Variants in MED13L observed in about 807,000 individuals in gnomAD.
MED13L encodes the protein mediator of RNA polymerase II transcription subunit 13-like.
MED13L carries 7 observed loss-of-function variants against 220.9 expected under a neutral mutation model. That is an observed-to-expected ratio of 0.03 (90% confidence interval 0.02 to 0.06). The LOEUF is 0.06. Among genes scored for constraint, MED13L ranks in the 10% least tolerant of loss-of-function variants. The pLI, the probability that MED13L is intolerant of heterozygous loss-of-function variation, is 1.00. For missense variants in MED13L, 1,965 were observed against 2,760.5 expected (o/e 0.71, Z 6.46); for synonymous variants, 1,011 against 1,015.2 (o/e 1.00, Z 0.08).
chr12:116,150,196 T>C (rs886170345), intron 2 of MED13L, among the ~76,000 whole-genome samples: 1 of 152,212 alleles, frequency 6.6e-6, no homozygotes, highest in Non-Finnish European at 1.5e-5. Context: ...GCCAAATCTC[T>C]TTTCTGGCTG....
At chr12:116,236,871 A>C (rs956226758) in intron 2 of MED13L, 1 of 985,146 alleles carries the variant, frequency 1.0e-6, no homozygotes, top group African/African-American at 1.7e-5. Context: ...AAAATCAGGC[A>C]ACACCGGAGC....
chr12:116,195,301 C>T (rs917850421), intron 2 of MED13L, among the ~76,000 whole-genome samples: 14 of 152,032 alleles, frequency 9.2e-5, no homozygotes, highest in African/African-American at 3.1e-4. Context: ...GTTAAGAATA[C>T]GTGCAAAACC....
intron 1 of MED13L, among the ~76,000 whole-genome samples, chr12:116,261,711 TC>T (rs1226622263): frequency 1.3e-5 from 2 of 152,088 alleles, no homozygotes; most frequent in Non-Finnish European, 2.9e-5. Context: ...CAACTGTTCC[TC>T]CCCGTTTTGC....
At chr12:116,030,137 T>C (rs1235454560) in intron 4 of MED13L, among the ~76,000 whole-genome samples, 1 of 152,144 alleles carries the variant, frequency 6.6e-6, no homozygotes, top group African/African-American at 2.4e-5. Flanking sequence ...CCAGCTAATT[T>C]TTGTATTTTT....
At chr12:116,144,727 G>A (rs763841089) in intron 2 of MED13L, among the ~76,000 whole-genome samples, 4 of 152,172 alleles carry the variant, frequency 2.6e-5, no homozygotes, top group Admixed American at 6.5e-5. Context: ...ATAAAAGTGA[G>A]TGGGTTTTGT....
intron 1 of MED13L, among the ~76,000 whole-genome samples, chr12:116,251,992 T>TA (rs1593212667): frequency 6.6e-6 from 1 of 150,838 alleles, no homozygotes; most frequent in African/African-American, 2.4e-5. Context: ...CAAGAAAACA[T>TA]AAAAAAATCT....
intron 2 of MED13L, among the ~76,000 whole-genome samples, chr12:116,223,283 C>T (rs908503672): frequency 6.6e-6 from 1 of 151,996 alleles, no homozygotes; most frequent in African/African-American, 2.4e-5. Flanking sequence ...GGGACAATTA[C>T]AAAATATGAT....
At chr12:116,203,426 TG>T (rs1170714392) in intron 2 of MED13L, among the ~76,000 whole-genome samples, 3 of 150,788 alleles carry the variant, frequency 2.0e-5, no homozygotes, top group African/African-American at 7.3e-5. Context: ...TTTTTTTTTT[TG>T]AAATAAACAT....
intron 2 of MED13L, among the ~76,000 whole-genome samples, chr12:116,208,914 T>C (rs532159124): frequency 6.6e-6 from 1 of 152,120 alleles, no homozygotes; most frequent in Non-Finnish European, 1.5e-5. Flanking sequence ...GGTGTCACAG[T>C]AAGCTATGAC....
intron 4 of MED13L, among the ~76,000 whole-genome samples, chr12:116,087,436 G>A (rs1871790163): frequency 6.6e-6 from 1 of 152,160 alleles, no homozygotes; most frequent in East Asian, 1.9e-4. Context: ...CATCTTTCCA[G>A]AAATGAATAT....
chr12:116,190,162 C>T (rs894387129), intron 2 of MED13L, among the ~76,000 whole-genome samples: 1 of 152,082 alleles, frequency 6.6e-6, no homozygotes, highest in African/African-American at 2.4e-5. Context: ...CAGTTTTTCA[C>T]CATTAAGAAT....
chr12:116,114,106 C>CT (rs1555212731), intron 2 of MED13L, among the ~76,000 whole-genome samples: 7 of 151,828 alleles, frequency 4.6e-5, no homozygotes, highest in Admixed American at 2.6e-4. Flanking sequence ...AGCCCTTTTC[C>CT]TTTTTTTTAA....
rs200705641 is a variant in MED13L, at chr12:116,031,763, G to A, written c.480-9162C>T. Among the ~76,000 whole-genome samples, 153 of 102,134 alleles carry A rather than the reference G, an allele frequency of 1.5e-3. 2 individuals carry two copies. Among genetic ancestry groups the A allele is most frequent in the Middle Eastern group, 6.9e-3 (1 of 144 alleles). 67.0% of individuals were successfully genotyped at this position (102,134 alleles called of 152,430 possible). On this transcript the variant is annotated intron_variant, in intron 4 of 30. Transcript: ENST00000281928. Reference sequence around the variant, plus strand: ...AAGAAAAGAAAAGAAAAGAAAAGAAGGAAGGAAGGAAGGAAGGAAGGAAGG... The same window carrying A: ...AAGAAAAGAAAAGAAAAGAAAAGAAAGAAGGAAGGAAGGAAGGAAGGAAGG...
intron 6 of MED13L, 126 bp downstream of exon 6, chr12:116,019,652 G>C: frequency 8.3e-7 from 1 of 1,207,280 alleles, no homozygotes; most frequent in Non-Finnish European, 1.2e-6. Flanking sequence ...ACATACCATT[G>C]TGTCAAGAGA....
chr12:115,977,104 G>T (rs944335771), intron 23 of MED13L, among the ~76,000 whole-genome samples: 1 of 152,158 alleles, frequency 6.6e-6, no homozygotes, highest in African/African-American at 2.4e-5. Flanking sequence ...AGTGACCCAG[G>T]TTCATGCCAC....
chr12:116,125,184 T>A (rs929817083), intron 2 of MED13L, among the ~76,000 whole-genome samples: 1 of 152,068 alleles, frequency 6.6e-6, no homozygotes, highest in Non-Finnish European at 1.5e-5. Context: ...AAAAAATAAT[T>A]ATGTAGCCAG....
At chr12:116,191,476 G>C (rs928546473) in intron 2 of MED13L, among the ~76,000 whole-genome samples, 2 of 151,780 alleles carry the variant, frequency 1.3e-5, no homozygotes, top group Non-Finnish European at 2.9e-5. Context: ...GATTACAGGC[G>C]CCCGCCACCA....
chr12:116,252,949 G>A (rs1871686966), intron 1 of MED13L, among the ~76,000 whole-genome samples: 1 of 152,058 alleles, frequency 6.6e-6, no homozygotes, highest in East Asian at 1.9e-4. Context: ...CAGAAAATCT[G>A]AACAACTCTA....
intron 2 of MED13L, among the ~76,000 whole-genome samples, chr12:116,119,823 AAAAAAAAAAAAAAAAATAT>A (rs1874851428): frequency 2.9e-5 from 3 of 104,782 alleles, no homozygotes; most frequent in South Asian, 6.3e-4. Context: ...AAAAAAAAAA[AAAAAAAAAAAAAAAAATAT>A]ATATATATAT....
Sources: allele counts gnomAD v4.1 joint callset (sites outside exome capture counted in the v4.1 genomes callset), GRCh38; gene constraint gnomAD v4.1.1; transcripts MANE v1.5; gene names NCBI Gene and HGNC (gene_info 2026-07-23, HGNC 2026-07-21).